PDE4D: variants seen among roughly 807,000 people sequenced by gnomAD.
PDE4D encodes the protein 3',5'-cyclic-AMP phosphodiesterase 4D.
A neutral mutation model predicts 87.4 loss-of-function variants in PDE4D; 24 were observed. That is an observed-to-expected ratio of 0.27 (90% confidence interval 0.20 to 0.39). The LOEUF is 0.39. PDE4D is among the 10% of genes least tolerant of loss of function. The probability of loss-of-function intolerance (pLI) is 1.00; values close to 1 mark genes in which losing one functional copy is unlikely to be tolerated. For missense variants in PDE4D, 714 were observed against 1,041.0 expected (o/e 0.69, Z 4.32); for synonymous variants, 384 against 383.2 (o/e 1.00, Z -0.02).
chr5:60,069,389 A>G (rs182681826), intron 2 of PDE4D, among the ~76,000 whole-genome samples: 1 of 152,298 alleles, frequency 6.6e-6, no homozygotes, highest in East Asian at 1.9e-4. Flanking sequence ...CTGTGCCTCA[A>G]TTTTGGAATT....
intron 1 of PDE4D, among the ~76,000 whole-genome samples, chr5:59,734,467 G>A (rs933802379): frequency 6.6e-6 from 1 of 152,086 alleles, no homozygotes; most frequent in Non-Finnish European, 1.5e-5. Flanking sequence ...GCTGAGACAA[G>A]CCTATAAAGA....
At chr5:59,106,780 A>G (rs1287175729) in intron 5 of PDE4D, among the ~76,000 whole-genome samples, 1 of 152,164 alleles carries the variant, frequency 6.6e-6, no homozygotes, top group Non-Finnish European at 1.5e-5. Flanking sequence ...AACAACCAAA[A>G]AACACCACAC....
chr5:59,506,206 T>C (rs868510674), intron 1 of PDE4D, among the ~76,000 whole-genome samples: 2 of 152,186 alleles, frequency 1.3e-5, no homozygotes, highest in Non-Finnish European at 2.9e-5. Flanking sequence ...AAGGTAAGTA[T>C]TTTAAAATAC....
intron 5 of PDE4D, among the ~76,000 whole-genome samples, chr5:59,094,772 G>A (rs1769384901): frequency 6.6e-6 from 1 of 151,986 alleles, no homozygotes; most frequent in African/African-American, 2.4e-5. Flanking sequence ...TTAAACAAAG[G>A]GCTGCCTCTG....
At chr5:60,404,641 A>G (rs1227261355) in intron 1 of PDE4D, among the ~76,000 whole-genome samples, 1 of 152,218 alleles carries the variant, frequency 6.6e-6, no homozygotes, top group Admixed American at 6.5e-5. Flanking sequence ...TTAATGTGGA[A>G]AGCCACATGT....
intron 1 of PDE4D, among the ~76,000 whole-genome samples, chr5:59,702,467 A>G (rs565303011): frequency 1.3e-5 from 2 of 152,264 alleles, no homozygotes; most frequent in South Asian, 4.1e-4. Flanking sequence ...TCGTGCTGAG[A>G]GAATAAAAAA....
intron 1 of PDE4D, among the ~76,000 whole-genome samples, chr5:59,600,781 T>C (rs545414418): frequency 2.2e-4 from 33 of 152,268 alleles, no homozygotes; most frequent in Non-Finnish European, 3.7e-4. Flanking sequence ...GAAATTGCTA[T>C]TATTGAAACA....
At chr5:60,248,447 T>C (rs1455476371) in intron 1 of PDE4D, among the ~76,000 whole-genome samples, 2 of 151,994 alleles carry the variant, frequency 1.3e-5, no homozygotes, top group African/African-American at 4.8e-5. Context: ...GGGAAGCTGT[T>C]GGCAGGTTTG....
intron 1 of PDE4D, among the ~76,000 whole-genome samples, chr5:59,263,188 T>C (rs1264753489): frequency 6.6e-6 from 1 of 151,994 alleles, no homozygotes; most frequent in Non-Finnish European, 1.5e-5. Context: ...AAGAACTCAC[T>C]GTTCTACTTT....
At chr5:60,431,324 T>C (rs1429292121) in intron 1 of PDE4D, among the ~76,000 whole-genome samples, 150 of 143,180 alleles carry the variant, frequency 1.0e-3, no homozygotes, top group African/African-American at 3.7e-3. Context: ...GACGGGGCGG[T>C]TGCCAGGCAG....
Position 59,067,704 on chromosome 5 carries a change from A to G in PDE4D, c.809-28733T>C, listed in dbSNP as rs188365816. Among the ~76,000 whole-genome samples, 305 of 152,328 alleles carry G rather than the reference A, an allele frequency of 2.0e-3. 1 individual carries two copies. Among genetic ancestry groups the G allele is most frequent in the Non-Finnish European group, 3.7e-3 (253 of 68,022 alleles). On this transcript the variant is annotated intron_variant, in intron 5 of 14. Transcript: ENST00000340635. ...CTTATTTATATTAGAACTGAAGTCA[A>G]TGCTGTTATCCCTTTGCATGTTCTT...
chr5:59,751,729 G>A (rs1760514181), intron 1 of PDE4D, among the ~76,000 whole-genome samples: 1 of 151,784 alleles, frequency 6.6e-6, no homozygotes, highest in African/African-American at 2.4e-5. Context: ...TAAACCCCAT[G>A]TAATCCCCAT....
chr5:60,453,641 A>G (rs1193830014), intron 1 of PDE4D, among the ~76,000 whole-genome samples: 1 of 152,164 alleles, frequency 6.6e-6, no homozygotes, highest in Non-Finnish European at 1.5e-5. Context: ...AGAAAAATCA[A>G]GAAGGATCAG....
At chr5:59,182,187 A>G (rs1741783485) in intron 4 of PDE4D, among the ~76,000 whole-genome samples, 1 of 152,182 alleles carries the variant, frequency 6.6e-6, no homozygotes, top group African/African-American at 2.4e-5. Flanking sequence ...CCAAAATATT[A>G]ATATTTTAAG....
At chr5:58,976,575 C>T in intron 12 of PDE4D, 103 bp from the exon 13 acceptor site, 4 of 902,772 alleles carry the variant, frequency 4.4e-6, no homozygotes, top group Non-Finnish European at 6.7e-6. Flanking sequence ...CAACACTATG[C>T]CTTTTAATGA....
At chr5:59,388,454 T>C (rs1303328757) in intron 1 of PDE4D, among the ~76,000 whole-genome samples, 1 of 152,052 alleles carries the variant, frequency 6.6e-6, no homozygotes, top group Non-Finnish European at 1.5e-5. Flanking sequence ...CTAAAAATAG[T>C]ACTACCATAT....
At chr5:59,227,760 G>T (rs1188648156) in intron 1 of PDE4D, among the ~76,000 whole-genome samples, 1 of 152,202 alleles carries the variant, frequency 6.6e-6, no homozygotes, top group Non-Finnish European at 1.5e-5. Flanking sequence ...TGCTGGCAAG[G>T]TTGCAGAGAA....
At chr5:60,319,910 A>C (rs1756056360) in intron 1 of PDE4D, among the ~76,000 whole-genome samples, 1 of 152,200 alleles carries the variant, frequency 6.6e-6, no homozygotes, top group South Asian at 2.1e-4. Context: ...GGTACCTCCC[A>C]GTTAGGCTAC....
At chr5:58,986,925 G>C (rs1182079714) in intron 11 of PDE4D, among the ~76,000 whole-genome samples, 2 of 150,590 alleles carry the variant, frequency 1.3e-5, no homozygotes, top group Non-Finnish European at 3.0e-5. Context: ...AGAATGCAAA[G>C]AAAACATACC....
Sources: allele counts gnomAD v4.1 joint callset (sites outside exome capture counted in the v4.1 genomes callset), GRCh38; gene constraint gnomAD v4.1.1; transcripts MANE v1.5; gene names NCBI Gene and HGNC (gene_info 2026-07-23, HGNC 2026-07-21).